GATAD2B: variants seen among roughly 807,000 people sequenced by gnomAD.
GATAD2B encodes transcriptional repressor p66-beta.
Under a neutral mutation model 64.3 loss-of-function variants are expected in GATAD2B, and 8 were observed. That is an observed-to-expected ratio of 0.12 (90% CI 0.07 to 0.22). GATAD2B has a LOEUF of 0.22. Among genes scored for constraint, GATAD2B ranks in the 10% least tolerant of loss-of-function variants. GATAD2B has a pLI of 1.00. For synonymous variants in GATAD2B, 281 were observed against 271.3 expected (o/e 1.04, Z -0.35); for missense variants, 453 against 752.0 (o/e 0.60, Z 4.65).
intron 1 of GATAD2B, among the ~76,000 whole-genome samples, chr1:153,897,128 C>A (rs1677622818): frequency 6.6e-6 from 1 of 150,742 alleles, no homozygotes; most frequent in Non-Finnish European, 1.5e-5. Context: ...CCCTGGGGTT[C>A]ACGCCATTCT....
At chr1:153,883,115 T>C (rs931398654) in intron 1 of GATAD2B, among the ~76,000 whole-genome samples, 3 of 152,210 alleles carry the variant, frequency 2.0e-5, no homozygotes, top group Admixed American at 6.6e-5. Flanking sequence ...CATTTGGACC[T>C]CTGAAATTCA....
At chr1:153,887,136 T>C (rs1199971671) in intron 1 of GATAD2B, among the ~76,000 whole-genome samples, 1 of 152,222 alleles carries the variant, frequency 6.6e-6, no homozygotes, top group Non-Finnish European at 1.5e-5. Context: ...TTACATTTTT[T>C]CTTCATTAAA....
At chr1:153,813,688 T>A (rs1041097064) in intron 7 of GATAD2B, among the ~76,000 whole-genome samples, 1 of 152,208 alleles carries the variant, frequency 6.6e-6, no homozygotes, top group African/African-American at 2.4e-5. Context: ...CGAAGAAATG[T>A]AGCTTCTGGC....
At chr1:153,885,586 G>A (rs925432902) in intron 1 of GATAD2B, among the ~76,000 whole-genome samples, 1 of 151,812 alleles carries the variant, frequency 6.6e-6, no homozygotes, top group African/African-American at 2.4e-5. Context: ...GCTGAGTGTG[G>A]GCTGGGCGCG....
At chr1:153,824,758 G>GA (rs72042190) in intron 2 of GATAD2B, among the ~76,000 whole-genome samples, 132 of 146,590 alleles carry the variant, frequency 9.0e-4, no homozygotes, top group South Asian at 3.2e-3. Context: ...CTGAAAACAG[G>GA]AAAAAAAAAA....
At chr1:153,900,641 C>G (rs537576665) in intron 1 of GATAD2B, among the ~76,000 whole-genome samples, 1 of 152,094 alleles carries the variant, frequency 6.6e-6, no homozygotes, top group Non-Finnish European at 1.5e-5. Flanking sequence ...TTAGCCTCTC[C>G]CAAGTAGTTG....
Position 153,862,873 on chromosome 1 carries a change from C to T in GATAD2B, c.-1-34525G>A, listed in dbSNP as rs191936490. Among the ~76,000 whole-genome samples, 522 of 151,848 alleles carry T rather than the reference C, an allele frequency of 3.4e-3. 8 individuals are homozygous for T. Among genetic ancestry groups the T allele is most frequent in the African/African-American group, 0.012 (491 of 41,430 alleles). On this transcript the variant is annotated intron_variant, in intron 1 of 10. Coordinates refer to ENST00000368655, the MANE Select transcript of GATAD2B (RefSeq NM_020699.4). ...CCAAGTAGCTGGGATTACAGGCATG[C>T]GCCACCATACCCGGCTAATTTTGTA...
At chr1:153,818,202 G>A (rs374437407) in intron 4 of GATAD2B, 31 bp from the exon 5 acceptor site, 138 of 1,556,076 alleles carry the variant, frequency 8.9e-5, no homozygotes, top group Non-Finnish European at 1.1e-4. Context: ...TAAGACTGTG[G>A]CCAATAATCA....
chr1:153,886,031 C>T (rs1227547796), intron 1 of GATAD2B, among the ~76,000 whole-genome samples: 1 of 152,120 alleles, frequency 6.6e-6, no homozygotes, highest in Non-Finnish European at 1.5e-5. Flanking sequence ...CAACTGAATG[C>T]TTAAAGGTAC....
chr1:153,846,680 C>A (rs1360217041), intron 1 of GATAD2B, among the ~76,000 whole-genome samples: 3 of 151,470 alleles, frequency 2.0e-5, no homozygotes, highest in Non-Finnish European at 4.4e-5. Context: ...TCTGCCTCAG[C>A]CTCCCGAGTA....
intron 1 of GATAD2B, among the ~76,000 whole-genome samples, chr1:153,870,220 G>A (rs528356372): frequency 6.0e-4 from 91 of 152,174 alleles, no homozygotes; most frequent in Non-Finnish European, 1.1e-3. Context: ...AAAGTGCTGG[G>A]ATTGCAAGCA....
At chr1:153,862,168 G>C (rs1012771791) in intron 1 of GATAD2B, among the ~76,000 whole-genome samples, 5 of 134,734 alleles carry the variant, frequency 3.7e-5, no homozygotes, top group African/African-American at 1.4e-4. Context: ...TGTCACCCAG[G>C]ATGGAGTGCA....
chr1:153,889,413 CAAAAAAAAAA>C lies in GATAD2B; in HGVS notation c.-2+33310_-2+33319del, dbSNP rs71093299. Among the ~76,000 whole-genome samples the C allele has an allele frequency of 6.9e-3, 467 of 67,902 alleles. 6 individuals are homozygous for C. The highest frequency in any genetic ancestry group is 0.025 in the African/African-American group (415 of 16,292). The allele number at this position is 67,902 out of a possible 152,430, so 44.5% of individuals were successfully genotyped here. A position where few individuals can be genotyped will look rare whatever the true frequency, so the allele number is the denominator to read the frequency against. ...GGCAACAAGAGCGAAACCCCGTCTC[CAAAAAAAAAA>C]AAAAAAAAAAAAACACACAAAACAA... On this transcript the variant is annotated intron_variant, in intron 1 of 10. Transcript: ENST00000368655.
chr1:153,812,068 C>G lies in GATAD2B; in HGVS notation c.1484G>C (p.Ser495Thr), dbSNP rs538420657. Reference sequence around the variant, plus strand: ...CATGATGGTCTCTTGTTTACTGACACTGGACACAGCTGGAGCCGTAGTGGG... The same window carrying G: ...CATGATGGTCTCTTGTTTACTGACAGTGGACACAGCTGGAGCCGTAGTGGG... Reference protein sequence around the residue: ...LSPTTAPAVSSVSKQETIMRH... With the variant: ...LSPTTAPAVSTVSKQETIMRH... Residue 495 changes from serine to threonine, a missense_variant, in exon 9 of 11, where the codon AGT becomes ACT. By Grantham distance (58) the Ser-to-Thr change is moderately conservative. Transcript: ENST00000368655. The G allele has an allele frequency of 6.2e-7, 1 of 1,613,334 alleles. No homozygotes were observed. Among genetic ancestry groups the G allele is most frequent in the Admixed American group, 1.7e-5 (1 of 60,026 alleles).
At chr1:153,826,627 T>TCACA (rs374450799) in intron 2 of GATAD2B, among the ~76,000 whole-genome samples, 131 of 148,960 alleles carry the variant, frequency 8.8e-4, no homozygotes, top group Non-Finnish European at 1.6e-3. Context: ...TGAAACTCCA[T>TCACA]CACACACACA....
intron 1 of GATAD2B, among the ~76,000 whole-genome samples, chr1:153,883,035 C>T (rs977712059): frequency 1.3e-5 from 2 of 152,054 alleles, no homozygotes; most frequent in Non-Finnish European, 2.9e-5. Flanking sequence ...CAAGGAATAA[C>T]AAGGGGGGAG....
At chr1:153,832,025 G>A (rs1570941196) in intron 1 of GATAD2B, among the ~76,000 whole-genome samples, 1 of 152,284 alleles carries the variant, frequency 6.6e-6, no homozygotes. Context: ...GACCAGCCTG[G>A]CCAACATGGT....
intron 1 of GATAD2B, among the ~76,000 whole-genome samples, chr1:153,894,279 C>A (rs550616153): frequency 1.3e-5 from 2 of 151,942 alleles, no homozygotes; most frequent in African/African-American, 4.8e-5. Context: ...ACCAGCCTGG[C>A]CAACATGGTG....
chr1:153,868,562 G>A (rs1676554249), intron 1 of GATAD2B, among the ~76,000 whole-genome samples: 1 of 151,978 alleles, frequency 6.6e-6, no homozygotes, highest in African/African-American at 2.4e-5. Flanking sequence ...TTAAAACTAA[G>A]TTCTGAAATA....
Sources: allele counts gnomAD v4.1 joint callset (sites outside exome capture counted in the v4.1 genomes callset), GRCh38; gene constraint gnomAD v4.1.1; transcripts MANE v1.5; gene names NCBI Gene and HGNC (gene_info 2026-07-23, HGNC 2026-07-21).